SOS2: variants seen among roughly 807,000 people sequenced by gnomAD.
SOS2 encodes SOS Ras/Rho guanine nucleotide exchange factor 2.
In SOS2, 65 loss-of-function variants were observed where a neutral mutation model predicts 148.2. The observed-to-expected ratio is 0.44, with a 90% confidence interval of 0.36 to 0.54. The LOEUF (loss-of-function observed/expected upper bound fraction) is 0.54, where lower values mean the gene tolerates loss of function less well. Ranked by LOEUF, SOS2 falls within the 20% of genes least tolerant of loss-of-function variation. SOS2 has a pLI of 0.00. For synonymous variants in SOS2, 539 were observed against 537.1 expected (o/e 1.00, Z -0.05); for missense variants, 1,341 against 1,590.2 (o/e 0.84, Z 2.67).
intron 2 of SOS2, 125 bp from the exon 3 acceptor site, chr14:50,201,209 A>G: frequency 2.3e-6 from 2 of 870,974 alleles, no homozygotes; most frequent in South Asian, 1.9e-5. Flanking sequence ...ATACATTCTG[A>G]TTCCTGTAAT....
chr14:50,132,354 TAAAAA>T (rs886376742), intron 19 of SOS2, among the ~76,000 whole-genome samples: 7 of 62,980 alleles, frequency 1.1e-4, no homozygotes, highest in Non-Finnish European at 2.0e-4. Flanking sequence ...CTATTGCCAT[TAAAAA>T]AAAAAAAAAA....
At chr14:50,209,318 TGTGTCTC>T (rs1291785965) in intron 1 of SOS2, among the ~76,000 whole-genome samples, 1 of 146,774 alleles carries the variant, frequency 6.8e-6, no homozygotes, top group African/African-American at 2.6e-5. Context: ...TGTGTGTGTG[TGTGTCTC>T]CTATTGGTTC....
intron 8 of SOS2, among the ~76,000 whole-genome samples, chr14:50,170,306 T>C (rs1476727700): frequency 1.3e-5 from 2 of 152,098 alleles, no homozygotes; most frequent in African/African-American, 2.4e-5. Flanking sequence ...TCTTAACATA[T>C]AATTCAATCT....
intron 18 of SOS2, 35 bp downstream of exon 18, chr14:50,138,577 G>A (rs749188760): frequency 9.6e-6 from 11 of 1,140,584 alleles, no homozygotes; most frequent in South Asian, 3.8e-5. Flanking sequence ...CCATTAACAC[G>A]TTCTCTTCTA....
At chr14:50,216,271 ATT>A (rs1420344347) in intron 1 of SOS2, among the ~76,000 whole-genome samples, 5 of 151,230 alleles carry the variant, frequency 3.3e-5, no homozygotes, top group Non-Finnish European at 4.4e-5. Flanking sequence ...TAATTTTGGT[ATT>A]TTCAGTAGAG....
intron 2 of SOS2, 144 bp downstream of exon 2, chr14:50,204,140 A>G (rs1886590990): frequency 4.0e-6 from 2 of 498,580 alleles, no homozygotes; most frequent in African/African-American, 4.0e-5. Context: ...CTGCCTTGAC[A>G]TTTTTGTCAA....
chr14:50,141,131 G>A (rs1331009261), intron 16 of SOS2, among the ~76,000 whole-genome samples: 3 of 149,996 alleles, frequency 2.0e-5, no homozygotes, highest in East Asian at 3.9e-4. Context: ...ATGAACCTGG[G>A]AGGTGGAGCT....
chr14:50,189,972 C>T (rs1389945608), intron 4 of SOS2, among the ~76,000 whole-genome samples: 1 of 151,982 alleles, frequency 6.6e-6, no homozygotes, highest in Non-Finnish European at 1.5e-5. Flanking sequence ...CCTCAGCCTC[C>T]TGAGTAGCTG....
At chr14:50,132,569 T>C (rs930371649) in intron 19 of SOS2, among the ~76,000 whole-genome samples, 2 of 151,698 alleles carry the variant, frequency 1.3e-5, no homozygotes, top group South Asian at 2.1e-4. Context: ...GCTGAGGCAG[T>C]AGAATTGCTT....
intron 8 of SOS2, among the ~76,000 whole-genome samples, chr14:50,171,360 G>T (rs1463062397): frequency 6.6e-6 from 1 of 151,868 alleles, no homozygotes; most frequent in Non-Finnish European, 1.5e-5. Context: ...ATTCACAGAA[G>T]CATTATTTAT....
chr14:50,178,706 A>G (rs1329799585), intron 7 of SOS2, among the ~76,000 whole-genome samples: 1 of 66,740 alleles, frequency 1.5e-5, no homozygotes, highest in Non-Finnish European at 2.8e-5. Flanking sequence ...ATATATATAT[A>G]TATATACACA....
At chr14:50,140,498 G>A (rs1051492925) in intron 16 of SOS2, among the ~76,000 whole-genome samples, 1 of 152,110 alleles carries the variant, frequency 6.6e-6, no homozygotes. Context: ...AAGTAAACTA[G>A]CATTTCTTTT....
chr14:50,149,530 G>C (rs145504294), intron 14 of SOS2, among the ~76,000 whole-genome samples: 3,340 of 152,226 alleles, frequency 0.022, 52 homozygotes, highest in South Asian at 0.038. Flanking sequence ...CAGAGAGGTT[G>C]GTGTAGAAAA....
At chr14:50,212,694 T>C (rs1349666795) in intron 1 of SOS2, among the ~76,000 whole-genome samples, 2 of 152,080 alleles carry the variant, frequency 1.3e-5, no homozygotes, top group East Asian at 1.9e-4. Context: ...ACAGAGGAAA[T>C]TGAGGGGGGA....
rs112061932 is a variant in SOS2, at chr14:50,158,117, T to C, written c.1934+448A>G. On this transcript the variant is annotated intron_variant, in intron 11 of 22. Coordinates refer to ENST00000216373, the MANE Select transcript of SOS2 (RefSeq NM_006939.4). Reference sequence around the variant, plus strand: ...ATGAGTTGATAATTACTGAAGGTGGTTGATGAATAAATGGGTTTATTATAT... The same window carrying C: ...ATGAGTTGATAATTACTGAAGGTGGCTGATGAATAAATGGGTTTATTATAT... 5.2e-4 allele frequency among the ~76,000 whole-genome samples: 79 copies of C among 152,262 alleles called. 1 individual carries two copies. Among genetic ancestry groups the C allele is most frequent in the Non-Finnish European group, 8.2e-4 (56 of 67,984 alleles).
intron 1 of SOS2, chr14:50,215,450 A>C: frequency 7.9e-7 from 1 of 1,266,238 alleles, no homozygotes; most frequent in Non-Finnish European, 1.0e-6. Flanking sequence ...GACAGTAAAC[A>C]TAAAATTACC....
At chr14:50,228,323 G>T (rs1271082349) in intron 1 of SOS2, among the ~76,000 whole-genome samples, 8 of 152,008 alleles carry the variant, frequency 5.3e-5, no homozygotes, top group Non-Finnish European at 8.8e-5. Flanking sequence ...GATTACAGGT[G>T]TGAGCCACCA....
At chr14:50,198,986 T>G (rs1228073343) in intron 4 of SOS2, among the ~76,000 whole-genome samples, 1 of 152,010 alleles carries the variant, frequency 6.6e-6, no homozygotes, top group Non-Finnish European at 1.5e-5. Context: ...AAACCCTATC[T>G]CTCCAAAAAA....
intron 7 of SOS2, among the ~76,000 whole-genome samples, chr14:50,176,418 A>G (rs182610517): frequency 1.3e-4 from 20 of 152,360 alleles, no homozygotes; most frequent in Admixed American, 4.6e-4. Context: ...AACTGGAACC[A>G]ATATGAAACT....
Sources: gnomAD v4.1 joint callset for allele counts (sites outside exome capture counted in the v4.1 genomes callset) on GRCh38, gnomAD v4.1.1 for gene constraint, MANE v1.5 for transcripts, NCBI Gene and HGNC (gene_info 2026-07-23, HGNC 2026-07-21) for gene names.